Variants in DCC observed in about 807,000 individuals in gnomAD.
DCC encodes the protein netrin receptor DCC.
DCC carries 58 observed loss-of-function variants against 172.5 expected under a neutral mutation model. The ratio of observed to expected loss-of-function variants is 0.34; its 90% CI spans 0.27 to 0.42. The LOEUF is 0.42. Among genes scored for constraint, DCC ranks in the 10% least tolerant of loss-of-function variants. DCC has a pLI of 1.00. For missense variants in DCC, 1,740 were observed against 1,791.0 expected, an observed-to-expected ratio of 0.97 and a Z score of 0.51; for synonymous variants, 709 against 644.5, an observed-to-expected ratio of 1.10 and a Z score of -1.52.
In DCC at chr18:52,920,239, T is replaced by C. The variant is rs560113236; in HGVS notation, c.698-3468T>C. ...GGACTTTATTAAAATTAAAAACTTA[T>C]CTTCTACAAAAGATACTTTTAAAAG... On this transcript the variant is annotated intron_variant, in intron 3 of 28. Coordinates refer to ENST00000442544, the MANE Select transcript of DCC (RefSeq NM_005215.4). 6.6e-5 allele frequency among the ~76,000 whole-genome samples: 10 copies of C among 152,116 alleles called. No homozygotes were observed. The East Asian group carries it at 1.4e-3, about 21-fold the overall frequency.
chr18:52,435,298 T>TGC (rs1987755118), intron 1 of DCC, among the ~76,000 whole-genome samples: 1 of 150,566 alleles, frequency 6.6e-6, no homozygotes, highest in South Asian at 2.1e-4. Context: ...TGTGTGTGTG[T>TGC]GCACGTGTGT....
intron 21 of DCC, among the ~76,000 whole-genome samples, chr18:53,428,462 A>G (rs1568126097): frequency 3.3e-5 from 1 of 30,040 alleles, no homozygotes; most frequent in Non-Finnish European, 6.9e-5. Context: ...TTTTATATAT[A>G]TTATATAATA....
chr18:53,049,011 G>T (rs1279639181), intron 5 of DCC, among the ~76,000 whole-genome samples: 1 of 151,862 alleles, frequency 6.6e-6, no homozygotes, highest in Non-Finnish European at 1.5e-5. Context: ...CAAGTCCTTT[G>T]CCTAGTTTTT....
At chr18:52,352,489 G>C (rs1196032977) in intron 1 of DCC, among the ~76,000 whole-genome samples, 1 of 152,158 alleles carries the variant, frequency 6.6e-6, no homozygotes, top group Non-Finnish European at 1.5e-5. Flanking sequence ...ATCAAACTTG[G>C]CAGCGTATGA....
chr18:53,474,743 A>C (rs566944078), intron 25 of DCC, among the ~76,000 whole-genome samples: 15 of 152,346 alleles, frequency 9.8e-5, no homozygotes, highest in African/African-American at 3.4e-4. Flanking sequence ...AAATGGACTA[A>C]TATAGTAATT....
chr18:52,686,036 T>C (rs2035827822), intron 1 of DCC, among the ~76,000 whole-genome samples: 1 of 152,040 alleles, frequency 6.6e-6, no homozygotes, highest in East Asian at 1.9e-4. Context: ...GACAGTCTAC[T>C]GTGACCTACA....
intron 5 of DCC, among the ~76,000 whole-genome samples, chr18:53,006,044 G>C (rs960738625): frequency 1.3e-5 from 2 of 152,124 alleles, no homozygotes; most frequent in Admixed American, 1.3e-4. Flanking sequence ...AACTCAGATA[G>C]GATTATTTCT....
intron 5 of DCC, among the ~76,000 whole-genome samples, chr18:53,019,172 C>A (rs1238449326): frequency 6.6e-6 from 1 of 152,142 alleles, no homozygotes; most frequent in Admixed American, 6.5e-5. Context: ...AATTCAATAG[C>A]TGACTTTAAA....
intron 5 of DCC, among the ~76,000 whole-genome samples, chr18:52,992,715 C>A (rs1411928414): frequency 6.6e-6 from 1 of 152,100 alleles, no homozygotes; most frequent in African/African-American, 2.4e-5. Flanking sequence ...GTGGCTCATG[C>A]CTCTAATCCC....
At chr18:53,116,268 TAGG>T (rs1568314067) in intron 7 of DCC, among the ~76,000 whole-genome samples, 1 of 151,746 alleles carries the variant, frequency 6.6e-6, no homozygotes, top group African/African-American at 2.4e-5. Flanking sequence ...AGCCCGAGCA[TAGG>T]AGCTCAAAAA....
At chr18:52,950,026 GCATGGTTGGCACTGGAGA>G (rs1291613447) in intron 5 of DCC, among the ~76,000 whole-genome samples, 1 of 152,140 alleles carries the variant, frequency 6.6e-6, no homozygotes, top group African/African-American at 2.4e-5. Context: ...GGTACCAGGG[GCATGGTTGGCACTGGAGA>G]CATGGTTGGC....
At chr18:52,962,086 A>G (rs1256955636) in intron 5 of DCC, among the ~76,000 whole-genome samples, 1 of 151,070 alleles carries the variant, frequency 6.6e-6, no homozygotes, top group Non-Finnish European at 1.5e-5. Flanking sequence ...AGCAATGGCA[A>G]CAAAAGCCAA....
chr18:52,404,978 C>G (rs980858374), intron 1 of DCC, among the ~76,000 whole-genome samples: 4 of 151,924 alleles, frequency 2.6e-5, no homozygotes, highest in African/African-American at 9.7e-5. Context: ...CATGTCCCTA[C>G]AAAGGACATG....
chr18:53,509,560 C>T (rs4939732), intron 27 of DCC, among the ~76,000 whole-genome samples: 123,920 of 152,140 alleles, frequency 0.81, 50,483 homozygotes, highest in Admixed American at 0.85. Flanking sequence ...AGTTTGGATT[C>T]TGAACAGATT....
At chr18:52,929,555 G>A (rs1021231837) in intron 5 of DCC, among the ~76,000 whole-genome samples, 8 of 152,058 alleles carry the variant, frequency 5.3e-5, no homozygotes, top group Non-Finnish European at 1.2e-4. Context: ...TGAAAATGAG[G>A]TTAAAACAAC....
chr18:52,610,807 T>C (rs2034263507), intron 1 of DCC, among the ~76,000 whole-genome samples: 1 of 151,994 alleles, frequency 6.6e-6, no homozygotes, highest in Admixed American at 6.6e-5. Flanking sequence ...ATTTTTTAAG[T>C]TACAAAATCT....
intron 11 of DCC, among the ~76,000 whole-genome samples, chr18:53,209,099 A>G (rs2055706258): frequency 6.6e-6 from 1 of 152,150 alleles, no homozygotes; most frequent in Non-Finnish European, 1.5e-5. Context: ...GCACCCAGCT[A>G]ATATTTTTAT....
At chr18:53,014,274 A>T (rs892546034) in intron 5 of DCC, among the ~76,000 whole-genome samples, 8 of 152,298 alleles carry the variant, frequency 5.3e-5, no homozygotes, top group African/African-American at 1.9e-4. Flanking sequence ...TCTTTGGAAC[A>T]TATGGATAAT....
intron 22 of DCC, among the ~76,000 whole-genome samples, chr18:53,445,525 T>A (rs1313264277): frequency 6.6e-6 from 1 of 152,202 alleles, no homozygotes; most frequent in Non-Finnish European, 1.5e-5. Context: ...AGAGTCAATA[T>A]CTAGCTTTCT....
Sources: gnomAD v4.1 joint callset for allele counts (sites outside exome capture counted in the v4.1 genomes callset) on GRCh38, gnomAD v4.1.1 for gene constraint, MANE v1.5 for transcripts, NCBI Gene and HGNC (gene_info 2026-07-23, HGNC 2026-07-21) for gene names.